NTNG2: variants seen among roughly 807,000 people sequenced by gnomAD.
NTNG2 encodes netrin-G2.
Under a neutral mutation model 47.6 loss-of-function variants are expected in NTNG2, and 15 were observed. The observed-to-expected ratio is 0.32, with a 90% confidence interval of 0.21 to 0.49. NTNG2 has a LOEUF of 0.49. NTNG2 is among the 20% of genes least tolerant of loss of function. NTNG2 has a pLI of 0.99. For missense variants in NTNG2, 578 were observed against 764.6 expected (o/e 0.76, Z 2.88); for synonymous variants, 307 against 324.6 (o/e 0.95, Z 0.58).
intron 2 of NTNG2, among the ~76,000 whole-genome samples, chr9:132,189,094 T>TTTTTTTTTTTTTTTTTTG (rs1204845571): frequency 2.2e-5 from 3 of 139,528 alleles, no homozygotes; most frequent in African/African-American, 2.7e-5. Flanking sequence ...TTTTTTTTTT[T>TTTTTTTTTTTTTTTTTTG]TAGACAGGGT....
At chr9:132,194,073 G>A (rs771045958) in intron 2 of NTNG2, among the ~76,000 whole-genome samples, 1 of 152,168 alleles carries the variant, frequency 6.6e-6, no homozygotes, top group Non-Finnish European at 1.5e-5. Flanking sequence ...TCCAAATACA[G>A]TCCCATTCTC....
rs1840132277 is a variant in NTNG2, at chr9:132,218,465, A to G, written c.858-8384A>G. 6.6e-6 allele frequency among the ~76,000 whole-genome samples: 1 copy of G among 151,276 alleles called. No individual in the cohort carries two copies. The highest frequency in any genetic ancestry group is 1.5e-5 in the Non-Finnish European group (1 of 67,914). On this transcript the variant is annotated intron_variant, in intron 3 of 7. Coordinates refer to ENST00000393229, the MANE Select transcript of NTNG2 (RefSeq NM_032536.4). This position sits in a 1 kb window ranked among gnomAD's most constrained non-coding sequence, Gnocchi z 5.4. The stretch of plus-strand genomic sequence containing the variant: ...CCCAGGAGACTTCCTTTGAGGCACA[A>G]TGTGATAGCGTTTTGTTTTTTTGTT...
chr9:132,224,644 G>A (rs113368492), intron 3 of NTNG2, among the ~76,000 whole-genome samples: 210 of 152,294 alleles, frequency 1.4e-3, no homozygotes, highest in African/African-American at 4.8e-3. Flanking sequence ...AATAAAAATA[G>A]GATTCTACTA....
intron 5 of NTNG2, among the ~76,000 whole-genome samples, chr9:132,237,339 G>T (rs1841703685): frequency 6.6e-6 from 1 of 152,222 alleles, no homozygotes. Flanking sequence ...CTGGCCCAGG[G>T]CGGCTCGGAA....
In NTNG2 at chr9:132,242,102, G is replaced by A; in HGVS notation, c.1584G>A (p.Leu528=). ...TGCTGCTGGGGCTGGCCGCCCGCCT[G>A]GGCCGCTGAGCCCCGCCCGGAGGAC... The part of the protein sequence containing the change: ...CLLLLGLAAR[L]GR The change falls in exon 8 of 8, where the codon CTG becomes CTA. Residue 528 remains leucine, a synonymous_variant. Transcript: ENST00000393229. The surrounding 1 kb of genome is among the most constrained non-coding windows in gnomAD (Gnocchi z 5.9). The A allele has an allele frequency of 8.7e-7, 1 of 1,152,690 alleles. No homozygotes were observed. The highest frequency in any genetic ancestry group is 1.6e-5 in the African/African-American group (1 of 61,382). 71.4% of individuals were successfully genotyped at this position (1,152,690 alleles called of 1,614,324 possible).
chr9:132,200,132 C>T (rs975792540), intron 3 of NTNG2, among the ~76,000 whole-genome samples: 1 of 152,120 alleles, frequency 6.6e-6, no homozygotes, highest in African/African-American at 2.4e-5. Context: ...CGAACAGTGC[C>T]TGGCACATAA....
chr9:132,162,254 G>C lies in NTNG2; in HGVS notation c.-484+15G>C, dbSNP rs971374826. 3.9e-5 allele frequency: 6 copies of C among 152,132 alleles called. No homozygotes were observed. The highest frequency in any genetic ancestry group is 1.2e-4 in the African/African-American group (5 of 41,378). The allele number at this position is 152,132 out of a possible 1,614,324, so 9.4% of individuals were successfully genotyped here. ...TCCGAGCCGGGGTAAGGCGGGCGGG[G>C]AGAGCCCGGGAGGCGGGCGGGGGGA... On this transcript the variant is annotated intron_variant, in intron 1 of 7. Coordinates refer to ENST00000393229, the MANE Select transcript of NTNG2 (RefSeq NM_032536.4). The surrounding 1 kb of genome is among the most constrained non-coding windows in gnomAD (Gnocchi z 4.6).
At chr9:132,225,799 G>A (rs1306915029) in intron 3 of NTNG2, among the ~76,000 whole-genome samples, 7 of 152,074 alleles carry the variant, frequency 4.6e-5, no homozygotes, top group Non-Finnish European at 1.0e-4. Flanking sequence ...CTTGCTCTAG[G>A]TCCATCCTTT....
In NTNG2 at chr9:132,198,581, G is replaced by T; in HGVS notation, c.829G>T (p.Ala277Ser). Residue 277 changes from alanine to serine, a missense_variant, in exon 3 of 8, where the codon GCC becomes TCC. By Grantham distance (99) the Ala-to-Ser change is moderately conservative (BLOSUM62 1). Transcript: ENST00000393229. ...QRENLYKYFYAISNIEVIGRC... is the reference protein window; with the variant it reads ...QRENLYKYFYSISNIEVIGRC... ...GGAGAACCTCTACAAGTACTTCTAC[G>T]CCATCTCCAACATCGAGGTCATCGG... The T allele has an allele frequency of 6.2e-7, 1 of 1,610,268 alleles. No individual in the cohort carries two copies. Among genetic ancestry groups the T allele is most frequent in the South Asian group, 1.1e-5 (1 of 91,002 alleles).
Position 132,197,858 on chromosome 9 carries a change from A to C in NTNG2, c.214-108A>C. 9.3e-7 allele frequency: 1 copy of C among 1,071,866 alleles called. No individual in the cohort carries two copies. The highest frequency in any genetic ancestry group is 1.3e-6 in the Non-Finnish European group (1 of 756,214). The allele number at this position is 1,071,866 out of a possible 1,614,324, so 66.4% of individuals were successfully genotyped here. A position where few individuals can be genotyped will look rare whatever the true frequency, so the allele number is the denominator to read the frequency against. ...GCACCGGAGCACAGGCCCTGTAGCC[A>C]CAGAGCAGGTTTCTCGGTTCGCAGG... On this transcript the variant is annotated intron_variant, in intron 2 of 7. Coordinates refer to ENST00000393229, the MANE Select transcript of NTNG2 (RefSeq NM_032536.4). The surrounding 1 kb of genome is among the most constrained non-coding windows in gnomAD (Gnocchi z 4.3).
chr9:132,187,736 A>T (rs1162769465), intron 2 of NTNG2, among the ~76,000 whole-genome samples: 1 of 152,184 alleles, frequency 6.6e-6, no homozygotes, highest in Admixed American at 6.5e-5. Flanking sequence ...AACTTTTCTT[A>T]CCAATAAATA....
rs1840115236 is a variant in NTNG2, at chr9:132,218,201, C to G, written c.858-8648C>G. On this transcript the variant is annotated intron_variant, in intron 3 of 7. Coordinates refer to ENST00000393229, the MANE Select transcript of NTNG2 (RefSeq NM_032536.4). This position sits in a 1 kb window ranked among gnomAD's most constrained non-coding sequence, Gnocchi z 5.4. The stretch of plus-strand genomic sequence containing the variant: ...CACACAGGCCACCCGGGAGTGCAGA[C>G]ACTAAGTGTGGCTCTGAATCGAGCT... Among the ~76,000 whole-genome samples the G allele has an allele frequency of 6.6e-6, 1 of 152,238 alleles. No homozygotes were observed. Among genetic ancestry groups the G allele is most frequent in the African/African-American group, 2.4e-5 (1 of 41,466 alleles).
chr9:132,206,161 G>A (rs1239019834), intron 3 of NTNG2, among the ~76,000 whole-genome samples: 1 of 152,188 alleles, frequency 6.6e-6, no homozygotes, highest in African/African-American at 2.4e-5. Flanking sequence ...GGGCCTGGAG[G>A]TTCTTCTACT....
Position 132,236,951 on chromosome 9 carries a change from A to T in NTNG2, c.1055-2153A>T, listed in dbSNP as rs1841674524. 6.6e-6 allele frequency among the ~76,000 whole-genome samples: 1 copy of T among 152,200 alleles called. No individual in the cohort carries two copies. The highest frequency in any genetic ancestry group is 2.4e-5 in the African/African-American group (1 of 41,442). The stretch of plus-strand genomic sequence containing the variant: ...AGGAAGGGAGATGCCAAAGTCCTTA[A>T]ATGCCAAGTTTAGTCTCTGGGTTTG... On this transcript the variant is annotated intron_variant, in intron 5 of 7. Coordinates refer to ENST00000393229, the MANE Select transcript of NTNG2 (RefSeq NM_032536.4). The surrounding 1 kb of genome is among the most constrained non-coding windows in gnomAD (Gnocchi z 4.3).
chr9:132,238,368 G>A (rs1400147827), intron 5 of NTNG2, among the ~76,000 whole-genome samples: 1 of 152,162 alleles, frequency 6.6e-6, no homozygotes, highest in African/African-American at 2.4e-5. Context: ...GGTGCAGGAG[G>A]CGGCAGGACA....
chr9:132,240,366 C>T (rs975551974), intron 6 of NTNG2, among the ~76,000 whole-genome samples: 1 of 152,236 alleles, frequency 6.6e-6, no homozygotes, highest in African/African-American at 2.4e-5. Flanking sequence ...GCCTCCACCC[C>T]GAGAGCCAGC....
At chr9:132,238,925 G>A (rs1841812981) in intron 5 of NTNG2, 179 bp from the exon 6 acceptor site, 1 of 685,918 alleles carries the variant, frequency 1.5e-6, no homozygotes, top group Non-Finnish European at 2.6e-6. Context: ...AAAGCAGGGA[G>A]GCCTCTCTCT....
rs1839327988 is a variant in NTNG2 at position 132,208,345 on chromosome 9, C to T, written c.857+9736C>T. 6.6e-6 allele frequency among the ~76,000 whole-genome samples: 1 copy of T among 152,086 alleles called. No homozygotes were observed. The highest frequency in any genetic ancestry group is 6.5e-5 in the Admixed American group (1 of 15,278). On this transcript the variant is annotated intron_variant, in intron 3 of 7. Coordinates refer to ENST00000393229, the MANE Select transcript of NTNG2 (RefSeq NM_032536.4). This position sits in a 1 kb window ranked among gnomAD's most constrained non-coding sequence, Gnocchi z 4.0. ...GAAGAGCAGGCAGGGCCAGATCACG[C>T]CAGCCCTGCAGCCCCGGGAGGAAGT... is the stretch of plus-strand genomic sequence containing the variant.
At chr9:132,177,052 T>C (rs7872965) in intron 2 of NTNG2, among the ~76,000 whole-genome samples, 89,363 of 152,180 alleles carry the variant, frequency 0.59, 28,810 homozygotes, top group African/African-American at 0.87. Context: ...TGCAGTGTTG[T>C]GATCTTGGCT....
Sources: allele counts gnomAD v4.1 joint callset (sites outside exome capture counted in the v4.1 genomes callset), GRCh38; gene constraint gnomAD v4.1.1; non-coding constraint Gnocchi (gnomAD v3.1); transcripts MANE v1.5; gene names NCBI Gene and HGNC (gene_info 2026-07-23, HGNC 2026-07-21).